LORICRIN: variants seen among roughly 807,000 people sequenced by gnomAD.
LORICRIN encodes loricrin cornified envelope precursor protein.
In LORICRIN, 5 loss-of-function variants were observed where a neutral mutation model predicts 3.3. That is an observed-to-expected ratio of 1.52 (90% CI 0.79 to 3.19). LORICRIN has a LOEUF of 3.19. Ranked by LOEUF, LORICRIN falls within the 30% of genes most tolerant of loss-of-function variation. The pLI is 0.00. For missense variants in LORICRIN, 524 were observed against 460.2 expected (o/e 1.14, Z -1.27); for synonymous variants, 237 against 231.4 (o/e 1.02, Z -0.22).
Position 153,262,058 on chromosome 1 carries a change from T to A in LORICRIN, c.*170T>A. On this transcript the variant is annotated 3_prime_UTR_variant, in exon 2 of 2. Coordinates refer to ENST00000368742, the MANE Select transcript of LORICRIN (RefSeq NM_000427.3). Reference sequence around the variant, plus strand: ...GCATCTAGTTCTGCTGTTTAGCCTCTTTGGTTTCTGTACAACTACCTCCCA... The same window carrying A: ...GCATCTAGTTCTGCTGTTTAGCCTCATTGGTTTCTGTACAACTACCTCCCA... 2 of 782,256 alleles carry A rather than the reference T, an allele frequency of 2.6e-6. No individual in the cohort carries two copies. Among genetic ancestry groups the A allele is most frequent in the Non-Finnish European group, 4.3e-6 (2 of 467,170 alleles). 48.5% of individuals were successfully genotyped at this position (782,256 alleles called of 1,614,324 possible).
intron 1 of LORICRIN, among the ~76,000 whole-genome samples, 156 bp from the exon 2 acceptor site, chr1:153,260,771 A>G (rs1220122469): frequency 6.6e-6 from 1 of 152,158 alleles, no homozygotes; most frequent in African/African-American, 2.4e-5. Context: ...GAGGAACTCA[A>G]CTTTTCCAAA....
chr1:153,261,225 A>AGGC lies in LORICRIN; in HGVS notation c.283_285dup (p.Gly95dup). 2 of 1,371,672 alleles carry AGGC rather than the reference A, an allele frequency of 1.5e-6. No individual in the cohort carries two copies. The highest frequency in any genetic ancestry group is 1.9e-6 in the Non-Finnish European group (2 of 1,074,710). The allele number at this position is 1,371,672 out of a possible 1,614,324, so 85.0% of individuals were successfully genotyped here. On this transcript the variant is annotated inframe_insertion, in exon 2 of 2. Coordinates refer to ENST00000368742, the MANE Select transcript of LORICRIN (RefSeq NM_000427.3). Reference sequence around the variant, plus strand: ...CCGGTGGGAGCGTCAAGTACTCCGGAGGCGGCGGCTCCTCCGGCGGGGGCT... The same window carrying AGGC: ...CCGGTGGGAGCGTCAAGTACTCCGGAGGCGGCGGCGGCTCCTCCGGCGGGGGCT...
In LORICRIN at chr1:153,261,755, G is replaced by A. The variant is rs764835985; in HGVS notation, c.806G>A (p.Gly269Asp). Reference sequence around the variant, plus strand: ...AGCGGCTGCATCATCAGTGGCGGGGGCTCCGTCTGCGGAGGTGGTTCCTCT... The same window carrying A: ...AGCGGCTGCATCATCAGTGGCGGGGACTCCGTCTGCGGAGGTGGTTCCTCT... ...IGSGCIISGGGSVCGGGSSGG... is the reference protein window; with the variant it reads ...IGSGCIISGGDSVCGGGSSGG... Residue 269 changes from glycine (G) to aspartate (D), a missense_variant, in exon 2 of 2, where the codon GGC becomes GAC. Physicochemically the swap from Gly to Asp is moderately conservative, Grantham distance 94. Coordinates refer to ENST00000368742, the MANE Select transcript of LORICRIN (RefSeq NM_000427.3). 63 of 1,578,360 alleles carry A rather than the reference G, an allele frequency of 4.0e-5. No homozygotes were observed. The highest frequency in any genetic ancestry group is 2.3e-4 in the South Asian group (20 of 87,482).
Position 153,261,523 on chromosome 1 carries a change from GGCGGCTCTGGCT to G in LORICRIN, c.580_591del (p.Ser194_Gly197del). ...CGGCTCTGTCTGCGGCTACTCTGGC[GGCGGCTCTGGCT>G]GCGGCGGAGGCTCCTCTGGCGGCAG... is the stretch of plus-strand genomic sequence containing the variant. On this transcript the variant is annotated inframe_deletion, in exon 2 of 2. Coordinates refer to ENST00000368742, the MANE Select transcript of LORICRIN (RefSeq NM_000427.3). 2 of 1,506,850 alleles carry G rather than the reference GGCGGCTCTGGCT, an allele frequency of 1.3e-6. No individual in the cohort carries two copies. The highest frequency in any genetic ancestry group is 8.8e-7 in the Non-Finnish European group (1 of 1,133,366). 93.3% of individuals were successfully genotyped at this position (1,506,850 alleles called of 1,614,324 possible).
chr1:153,261,063 C>T lies in LORICRIN; in HGVS notation c.114C>T (p.Gly38=). The change falls in exon 2 of 2, where the codon GGC becomes GGT. Residue 38 remains glycine (G), a synonymous_variant. Coordinates refer to ENST00000368742, the MANE Select transcript of LORICRIN (RefSeq NM_000427.3). The part of the protein sequence containing the change: ...GSGGGGCGFF[G]GGGSGGGSSG... ...GCGGTGGTGGCTGCGGCTTCTTCGG[C>T]GGCGGCGGCTCAGGGGGCGGTAGCA... The T allele has an allele frequency of 6.6e-7, 1 of 1,524,048 alleles. No homozygotes were observed. Among genetic ancestry groups the T allele is most frequent in the Admixed American group, 1.9e-5 (1 of 51,492 alleles). The allele number at this position is 1,524,048 out of a possible 1,614,324, so 94.4% of individuals were successfully genotyped here.
rs1233110745 is a variant in LORICRIN at position 153,261,240 on chromosome 1, C to T, written c.291C>T (p.Ser97=). 2 of 1,382,134 alleles carry T rather than the reference C, an allele frequency of 1.4e-6. No individual in the cohort carries two copies. The highest frequency in any genetic ancestry group is 3.0e-5 in the East Asian group (1 of 33,372). The allele number at this position is 1,382,134 out of a possible 1,614,324, so 85.6% of individuals were successfully genotyped here. A position where few individuals can be genotyped will look rare whatever the true frequency, so the allele number is the denominator to read the frequency against. Reference sequence around the variant, plus strand: ...AGTACTCCGGAGGCGGCGGCTCCTCCGGCGGGGGCTCTGGCTGTTTCTCCA... The same window carrying T: ...AGTACTCCGGAGGCGGCGGCTCCTCTGGCGGGGGCTCTGGCTGTTTCTCCA... ...SVKYSGGGGS[S]GGGSGCFSSG... Residue 97 remains serine, a synonymous_variant, in exon 2 of 2, where the codon TCC becomes TCT. Coordinates refer to ENST00000368742, the MANE Select transcript of LORICRIN (RefSeq NM_000427.3).
In LORICRIN at chr1:153,261,772, G is replaced by C. The variant is rs1658807836; in HGVS notation, c.823G>C (p.Gly275Arg). 1 of 1,596,378 alleles carries C rather than the reference G, an allele frequency of 6.3e-7. No individual in the cohort carries two copies. The highest frequency in any genetic ancestry group is 2.3e-5 in the East Asian group (1 of 43,798). Residue 275 changes from glycine (G) to arginine (R), a missense_variant, in exon 2 of 2, where the codon GGT becomes CGT. By Grantham distance (125) the Gly-to-Arg change is moderately radical. Transcript: ENST00000368742. ...ISGGGSVCGG[G>R]SSGGGGGGSS... ...TGGCGGGGGCTCCGTCTGCGGAGGTGGTTCCTCTGGAGGCGGCGGCGGCGG... is the reference window on the plus strand; with the variant it reads ...TGGCGGGGGCTCCGTCTGCGGAGGTCGTTCCTCTGGAGGCGGCGGCGGCGG...
At position 153,261,518 on chromosome 1, in the gene LORICRIN, C is replaced by CTGGCGGCGGCTG. The variant is rs1557795739; in HGVS notation, c.580_581insGTGGCGGCGGCT (p.Gly193_Ser194insCysGlyGlyGly). On this transcript the variant is annotated inframe_insertion, in exon 2 of 2. Coordinates refer to ENST00000368742, the MANE Select transcript of LORICRIN (RefSeq NM_000427.3). ...GGCGGCGGCTCTGTCTGCGGCTACT[C>CTGGCGGCGGCTG]TGGCGGCGGCTCTGGCTGCGGCGGA... 3 of 1,497,876 alleles carry CTGGCGGCGGCTG rather than the reference C, an allele frequency of 2.0e-6. No individual in the cohort carries two copies. The highest frequency in any genetic ancestry group is 2.5e-5 in the South Asian group (2 of 81,434). The allele number at this position is 1,497,876 out of a possible 1,614,324, so 92.8% of individuals were successfully genotyped here.
In LORICRIN at chr1:153,261,412, G is replaced by A; in HGVS notation, c.463G>A (p.Ala155Thr). Reference sequence around the variant, plus strand: ...CGGCGGCGGCGGCTTCTCGGGCCAGGCGGTCCAGTGCCAGAGCTACGGAGG... The same window carrying A: ...CGGCGGCGGCGGCTTCTCGGGCCAGACGGTCCAGTGCCAGAGCTACGGAGG... Reference protein sequence around the residue: ...SSGGGGFSGQAVQCQSYGGVS... With the variant: ...SSGGGGFSGQTVQCQSYGGVS... Residue 155 changes from alanine to threonine, a missense_variant, in exon 2 of 2, where the codon GCG becomes ACG. Physicochemically the swap from Ala to Thr is moderately conservative, Grantham distance 58 (BLOSUM62 0). Transcript: ENST00000368742. The A allele has an allele frequency of 6.7e-7, 1 of 1,490,184 alleles. No individual in the cohort carries two copies. The highest frequency in any genetic ancestry group is 2.8e-5 in the East Asian group (1 of 35,770). The allele number at this position is 1,490,184 out of a possible 1,614,324, so 92.3% of individuals were successfully genotyped here. A position where few individuals can be genotyped will look rare whatever the true frequency, so the allele number is the denominator to read the frequency against.
rs769492091 is a variant in LORICRIN at position 153,260,976 on chromosome 1, C to T, written c.27C>T (p.Thr9=). The T allele has an allele frequency of 1.3e-5, 20 of 1,596,290 alleles. No individual in the cohort carries two copies. The South Asian group carries it at 2.2e-4, about 18-fold the overall frequency. Residue 9 remains threonine, a synonymous_variant, in exon 2 of 2, where the codon ACC becomes ACT. Transcript: ENST00000368742. MSYQKKQP[T]PQPPVDCVKT... ...TGTCTTATCAGAAAAAGCAGCCCAC[C>T]CCTCAGCCCCCAGTGGACTGCGTGA... is the stretch of plus-strand genomic sequence containing the variant.
At chr1:153,260,512 A>G (rs1658737336) in intron 1 of LORICRIN, among the ~76,000 whole-genome samples, 1 of 152,186 alleles carries the variant, frequency 6.6e-6, no homozygotes, top group Non-Finnish European at 1.5e-5. Flanking sequence ...AATGGGTAAA[A>G]TCTCCTATCC....
chr1:153,260,868 C>G (rs1381280456), intron 1 of LORICRIN, 59 bp from the exon 2 acceptor site: 1 of 1,253,070 alleles, frequency 8.0e-7, no homozygotes, highest in Non-Finnish European at 1.1e-6. Context: ...ATGGATGCAG[C>G]TGCCTCCGTA....
In LORICRIN at chr1:153,261,008, C is replaced by A; in HGVS notation, c.59C>A (p.Ser20Tyr). The change falls in exon 2 of 2, where the codon TCT (serine) becomes TAT (tyrosine). Residue 20 changes from serine (S) to tyrosine (Y), a missense_variant. Ser to Tyr is a moderately radical substitution (Grantham distance 144). Transcript: ENST00000368742. ...CCCCCAGTGGACTGCGTGAAGACCT[C>A]TGGCGGCGGTGGCGGTGGCGGCGGC... is the stretch of plus-strand genomic sequence containing the variant. ...PQPPVDCVKT[S>Y]GGGGGGGGSG... 6.6e-7 allele frequency: 1 copy of A among 1,517,730 alleles called. No individual in the cohort carries two copies. Among genetic ancestry groups the A allele is most frequent in the Non-Finnish European group, 9.0e-7 (1 of 1,115,310 alleles). 94.0% of individuals were successfully genotyped at this position (1,517,730 alleles called of 1,614,324 possible). A position where few individuals can be genotyped will look rare whatever the true frequency, so the allele number is the denominator to read the frequency against.
chr1:153,261,989 T>G lies in LORICRIN; in HGVS notation c.*101T>G. 7.9e-7 allele frequency: 1 copy of G among 1,270,812 alleles called. No homozygotes were observed. Among genetic ancestry groups the G allele is most frequent in the Non-Finnish European group, 1.1e-6 (1 of 890,892 alleles). 78.7% of individuals were successfully genotyped at this position (1,270,812 alleles called of 1,614,324 possible). On this transcript the variant is annotated 3_prime_UTR_variant, in exon 2 of 2. Coordinates refer to ENST00000368742, the MANE Select transcript of LORICRIN (RefSeq NM_000427.3). ...ATGCTACCCGAGGTTTGCAAATCCT[T>G]CATGTCTTAACCTACCTGGAAGAAG...
At chr1:153,260,582 A>G (rs1361810605) in intron 1 of LORICRIN, among the ~76,000 whole-genome samples, 3 of 152,212 alleles carry the variant, frequency 2.0e-5, no homozygotes, top group Admixed American at 2.0e-4. Context: ...TGAGATTGGA[A>G]GAGGCCTGAA....
chr1:153,261,997 T>A lies in LORICRIN; in HGVS notation c.*109T>A. ...CGAGGTTTGCAAATCCTTCATGTCT[T>A]AACCTACCTGGAAGAAGCCATTGAG... On this transcript the variant is annotated 3_prime_UTR_variant, in exon 2 of 2. Transcript: ENST00000368742. 4 of 1,181,622 alleles carry A rather than the reference T, an allele frequency of 3.4e-6. No homozygotes were observed. The highest frequency in any genetic ancestry group is 3.7e-6 in the Non-Finnish European group (3 of 810,174). 73.2% of individuals were successfully genotyped at this position (1,181,622 alleles called of 1,614,324 possible).
rs1434848697 is a variant in LORICRIN at position 153,261,780 on chromosome 1, T to C, written c.831T>C (p.Ser277=). 34 of 1,583,386 alleles carry C rather than the reference T, an allele frequency of 2.1e-5. No homozygotes were observed. The highest frequency in any genetic ancestry group is 2.7e-5 in the Non-Finnish European group (32 of 1,165,954). The change falls in exon 2 of 2, where the codon TCT becomes TCC. Residue 277 remains serine (S), a synonymous_variant. Transcript: ENST00000368742. ...GGGSVCGGGS[S]GGGGGGSSVG... is the part of the protein sequence containing the mutation. ...GCTCCGTCTGCGGAGGTGGTTCCTC[T>C]GGAGGCGGCGGCGGCGGCTCCTCCG...
chr1:153,261,472 G>A lies in LORICRIN; in HGVS notation c.523G>A (p.Gly175Ser), dbSNP rs1179107369. ...SSGGSSGGGSGCFSSGGGGGS... is the reference protein window; with the variant it reads ...SSGGSSGGGSSCFSSGGGGGS... ...CGGCGGCTCCTCCGGGGGCGGCTCCGGCTGCTTCTCCAGCGGCGGGGGCGG... is the reference window on the plus strand; with the variant it reads ...CGGCGGCTCCTCCGGGGGCGGCTCCAGCTGCTTCTCCAGCGGCGGGGGCGG... The change falls in exon 2 of 2, where the codon GGC (glycine) becomes AGC (serine). Residue 175 changes from glycine (G) to serine (S), a missense_variant. Coordinates refer to ENST00000368742, the MANE Select transcript of LORICRIN (RefSeq NM_000427.3). 1.3e-6 allele frequency: 2 copies of A among 1,493,784 alleles called. No individual in the cohort carries two copies. The highest frequency in any genetic ancestry group is 1.2e-5 in the South Asian group (1 of 80,574). 92.5% of individuals were successfully genotyped at this position (1,493,784 alleles called of 1,614,324 possible).
At position 153,261,187 on chromosome 1, in the gene LORICRIN, T is replaced by A; in HGVS notation, c.238T>A (p.Cys80Ser). The A allele has an allele frequency of 2.3e-6, 3 of 1,308,462 alleles. No homozygotes were observed. The highest frequency in any genetic ancestry group is 2.9e-6 in the Non-Finnish European group (3 of 1,039,782). The allele number at this position is 1,308,462 out of a possible 1,614,324, so 81.1% of individuals were successfully genotyped here. Residue 80 changes from cysteine (C) to serine (S), a missense_variant, in exon 2 of 2, where the codon TGC (cysteine) becomes AGC (serine). Coordinates refer to ENST00000368742, the MANE Select transcript of LORICRIN (RefSeq NM_000427.3). ...CGGGGGCGGGGGCGGCATTGGAGGC[T>A]GCGGAGGGGGCTCCGGTGGGAGCGT... ...GGGGGGGIGG[C>S]GGGSGGSVKY...
Sources: allele counts gnomAD v4.1 joint callset (sites outside exome capture counted in the v4.1 genomes callset), GRCh38; gene constraint gnomAD v4.1.1; transcripts MANE v1.5; gene names NCBI Gene and HGNC (gene_info 2026-07-23, HGNC 2026-07-21).